Variants in KIF19 observed in about 807,000 individuals in gnomAD.
KIF19 encodes kinesin family member 19.
In KIF19, 98 loss-of-function variants were observed where a neutral mutation model predicts 106.6. The ratio of observed to expected loss-of-function variants is 0.92; its 90% CI spans 0.78 to 1.09. KIF19 has a LOEUF of 1.09. Ranked by LOEUF, KIF19 falls within the 50% of genes least tolerant of loss-of-function variation. The pLI, the probability that KIF19 is intolerant of heterozygous loss-of-function variation, is 0.00. For missense variants in KIF19, 1,373 were observed against 1,414.3 expected, an observed-to-expected ratio of 0.97 and a Z score of 0.47; for synonymous variants, 516 against 584.2, an observed-to-expected ratio of 0.88 and a Z score of 1.68.
intron 2 of KIF19, among the ~76,000 whole-genome samples, chr17:74,337,588 CCT>C (rs1188339092): frequency 1.3e-5 from 2 of 152,192 alleles, no homozygotes; most frequent in African/African-American, 4.8e-5. Flanking sequence ...CTCCACTCCA[CCT>C]CTCTCATTCT....
chr17:74,350,989 T>TG (rs2054686502), intron 12 of KIF19, 84 bp downstream of exon 12: 1 of 1,422,358 alleles, frequency 7.0e-7, no homozygotes, highest in African/African-American at 1.4e-5. Context: ...GGGGCCAGGG[T>TG]GGGGGTAGCC....
chr17:74,349,558 G>A (rs1483917791), intron 10 of KIF19, among the ~76,000 whole-genome samples: 1 of 152,206 alleles, frequency 6.6e-6, no homozygotes, highest in Admixed American at 6.5e-5. Flanking sequence ...ATCACAAGCC[G>A]ATTTCCCAAC....
intron 2 of KIF19, among the ~76,000 whole-genome samples, chr17:74,335,874 G>GGT (rs2054207392): frequency 6.6e-6 from 1 of 152,230 alleles, no homozygotes; most frequent in African/African-American, 2.4e-5. Flanking sequence ...CCCCACCTGG[G>GGT]GTGTGGCAAC....
Position 74,344,345 on chromosome 17 carries a change from G to A in KIF19, c.579G>A (p.Lys193=), listed in dbSNP as rs767662912. ...GITEVSTINA[K]EIMQLLMKGN... ...CCGAAGTCTCCACCATCAATGCCAA[G>A]GAGGCGAGTTTTGTGTGGCCAGCCT... The change falls in exon 6 of 20, where the codon AAG becomes AAA. Residue 193 remains lysine (K), a synonymous_variant. Transcript: ENST00000389916. 6.2e-7 allele frequency: 1 copy of A among 1,612,266 alleles called. No homozygotes were observed. The highest frequency in any genetic ancestry group is 8.5e-7 in the Non-Finnish European group (1 of 1,179,610).
Position 74,337,217 on chromosome 17 carries a change from C to T in KIF19, c.121-4659C>T, listed in dbSNP as rs186506300. ...TGGCACAATCACCACTCCCTATAAA[C>T]GAAAGCTTTATTCAGCAAACGTCTC... is the stretch of plus-strand genomic sequence containing the variant. On this transcript the variant is annotated intron_variant, in intron 2 of 19. Transcript: ENST00000389916. Among the ~76,000 whole-genome samples, 12 of 152,260 alleles carry T rather than the reference C, an allele frequency of 7.9e-5. No homozygotes were observed. The East Asian group carries it at 1.9e-3, about 25-fold the overall frequency.
chr17:74,345,753 G>T (rs536357766), intron 7 of KIF19, among the ~76,000 whole-genome samples: 6 of 152,156 alleles, frequency 3.9e-5, no homozygotes, highest in African/African-American at 2.4e-5. Context: ...AACAGGGCAG[G>T]TTCAAGAAAC....
chr17:74,329,870 A>G (rs944854798), intron 2 of KIF19, among the ~76,000 whole-genome samples: 1 of 152,200 alleles, frequency 6.6e-6, no homozygotes, highest in Non-Finnish European at 1.5e-5. Context: ...ATGCAGAGAA[A>G]GGCACACGTG....
chr17:74,344,887 A>G lies in KIF19; in HGVS notation c.709A>G (p.Ile237Val). 6.2e-7 allele frequency: 1 copy of G among 1,612,606 alleles called. No individual in the cohort carries two copies. The highest frequency in any genetic ancestry group is 8.5e-7 in the Non-Finnish European group (1 of 1,179,800). The change falls in exon 7 of 20, where the codon ATC becomes GTC. Residue 237 changes from isoleucine to valine, a missense_variant. Physicochemically the swap from Ile to Val is conservative, Grantham distance 29. Around this residue, in one of 3 missense-constraint regions of KIF19, gnomAD observed 348 missense variants for 389.5 expected, o/e 0.89. Coordinates refer to ENST00000389916, the MANE Select transcript of KIF19 (RefSeq NM_153209.4). ...GCGCCAGCGCAGCCGGGTCAAGAAC[A>G]TCTTGCAGGAGGTGCGGCAGGGCCG... ...TVRQRSRVKNILQEVRQGRLF... is the reference protein window; with the variant it reads ...TVRQRSRVKNVLQEVRQGRLF...
At chr17:74,340,475 C>T (rs189467283) in intron 2 of KIF19, among the ~76,000 whole-genome samples, 52 of 152,104 alleles carry the variant, frequency 3.4e-4, no homozygotes, top group Middle Eastern at 6.8e-3. Context: ...ATGGGCCCCT[C>T]GGTTACCTTT....
Position 74,354,444 on chromosome 17 carries a change from G to A in KIF19, c.2591G>A (p.Gly864Asp). Residue 864 changes from glycine (G) to aspartate (D), a missense_variant, in exon 18 of 20, where the codon GGC becomes GAC. Transcript: ENST00000389916. ...PSRAVGHHGDGPRPWLRGQKK... is the reference protein window; with the variant it reads ...PSRAVGHHGDDPRPWLRGQKK... Reference sequence around the variant, plus strand: ...CGGGCAGTCGGACATCATGGGGACGGCCCCAGGCCCTGGCTGCGTGGCCAG... The same window carrying A: ...CGGGCAGTCGGACATCATGGGGACGACCCCAGGCCCTGGCTGCGTGGCCAG... 2 of 1,610,282 alleles carry A rather than the reference G, an allele frequency of 1.2e-6. No individual in the cohort carries two copies. The highest frequency in any genetic ancestry group is 2.2e-5 in the East Asian group (1 of 44,768).
At chr17:74,340,868 C>A (rs1304615605) in intron 2 of KIF19, among the ~76,000 whole-genome samples, 8 of 152,158 alleles carry the variant, frequency 5.3e-5, no homozygotes, top group Non-Finnish European at 5.9e-5. Flanking sequence ...AGGGCTGTAG[C>A]GAGGTGGATA....
intron 8 of KIF19, 97 bp from the exon 9 acceptor site, chr17:74,347,678 CAG>C (rs1273036130): frequency 8.5e-6 from 12 of 1,407,058 alleles, no homozygotes; most frequent in Non-Finnish European, 1.2e-5. Context: ...TGTAAAGAGA[CAG>C]AGAGATTGCA....
intron 18 of KIF19, 30 bp from the exon 19 acceptor site, chr17:74,354,752 C>A: frequency 6.5e-7 from 1 of 1,545,170 alleles, no homozygotes; most frequent in Non-Finnish European, 8.8e-7. Flanking sequence ...GTGCCGCTCT[C>A]GGCCTCACCC....
chr17:74,354,178 G>A lies in KIF19; in HGVS notation c.2325G>A (p.Leu775=). 1 of 1,608,490 alleles carries A rather than the reference G, an allele frequency of 6.2e-7. No individual in the cohort carries two copies. The highest frequency in any genetic ancestry group is 8.5e-7 in the Non-Finnish European group (1 of 1,179,014). ...PLSHKERKEI[L]TGTKCIWVKA... is the part of the protein sequence containing the mutation. ...CCGCTGCAGAGAGGAAGGAGATCCTGACTGGCACCAAGTGCATCTGGGTGA... is the reference window on the plus strand; with the variant it reads ...CCGCTGCAGAGAGGAAGGAGATCCTAACTGGCACCAAGTGCATCTGGGTGA... Residue 775 remains leucine, a synonymous_variant, in exon 18 of 20, where the codon CTG becomes CTA. Transcript: ENST00000389916.
intron 1 of KIF19, 94 bp downstream of exon 1, chr17:74,326,482 A>G (rs923630237): frequency 8.2e-7 from 1 of 1,213,124 alleles, no homozygotes; most frequent in Non-Finnish European, 1.2e-6. Flanking sequence ...CCGCCACCCC[A>G]CTGAGAGGAC....
intron 2 of KIF19, among the ~76,000 whole-genome samples, chr17:74,340,549 G>GCA (rs1567905514): frequency 1.2e-3 from 2 of 1,638 alleles, no homozygotes; most frequent in African/African-American, 3.1e-3. Flanking sequence ...GCAGGTATGC[G>GCA]CGCGCGTACA....
At chr17:74,340,556 T>C (rs61361433) in intron 2 of KIF19, among the ~76,000 whole-genome samples, 151,620 of 151,908 alleles carry the variant, frequency 1, 75,667 homozygotes, top group Middle Eastern at 1. Context: ...TGCGCGCGCG[T>C]ACACACACAC....
At position 74,352,148 on chromosome 17, in the gene KIF19, C is replaced by A. The variant is rs549882135; in HGVS notation, c.1858+11C>A. 2 of 1,582,352 alleles carry A rather than the reference C, an allele frequency of 1.3e-6. No homozygotes were observed. The highest frequency in any genetic ancestry group is 1.7e-6 in the Non-Finnish European group (2 of 1,161,784). On this transcript the variant is annotated intron_variant, in intron 13 of 19. Coordinates refer to ENST00000389916, the MANE Select transcript of KIF19 (RefSeq NM_153209.4). The stretch of plus-strand genomic sequence containing the variant: ...GGCAGATCATCGACGGTAGGGCCCA[C>A]GCCCCCGCGCATCTGAGCCACCCGC...
chr17:74,328,391 C>T (rs1336630281), intron 1 of KIF19, 34 bp from the exon 2 acceptor site: 13 of 1,579,512 alleles, frequency 8.2e-6, no homozygotes, highest in Non-Finnish European at 1.1e-5. Flanking sequence ...TGGTCCTCTC[C>T]CTCTAATCCC....
Sources: gnomAD v4.1 joint callset for allele counts (sites outside exome capture counted in the v4.1 genomes callset) on GRCh38, gnomAD v4.1.1 for gene constraint, gnomAD v4.1.1 regional missense constraint, MANE v1.5 for transcripts, NCBI Gene and HGNC (gene_info 2026-07-23, HGNC 2026-07-21) for gene names.